FOCAD: variants seen among roughly 807,000 people sequenced by gnomAD.
FOCAD encodes the protein KIAA1797.
Under a neutral mutation model 225.6 loss-of-function variants are expected in FOCAD, and 198 were observed. That is an observed-to-expected ratio of 0.88 (90% CI 0.78 to 0.99). The LOEUF is 0.99. Among genes scored for constraint, FOCAD ranks in the 50% least tolerant of loss-of-function variants. The pLI, the probability that FOCAD is intolerant of heterozygous loss-of-function variation, is 0.00. For synonymous variants in FOCAD, 897 were observed against 755.0 expected, an observed-to-expected ratio of 1.19 and a Z score of -3.08; for missense variants, 2,713 against 2,123.6, an observed-to-expected ratio of 1.28 and a Z score of -5.46.
chr9:20,803,616 G>T (rs977079523), intron 11 of FOCAD, among the ~76,000 whole-genome samples: 5 of 152,114 alleles, frequency 3.3e-5, no homozygotes, highest in Admixed American at 2.0e-4. Flanking sequence ...CTGCTTAGAG[G>T]AGTGTACAGG....
chr9:20,904,068 C>A (rs1832759272), intron 21 of FOCAD, among the ~76,000 whole-genome samples: 1 of 151,920 alleles, frequency 6.6e-6, no homozygotes, highest in African/African-American at 2.4e-5. Flanking sequence ...TTTCAAGGTT[C>A]AGCCATAGTG....
chr9:20,955,541 A>G (rs935690008), intron 35 of FOCAD, among the ~76,000 whole-genome samples: 2 of 138,206 alleles, frequency 1.4e-5, no homozygotes, highest in Non-Finnish European at 3.1e-5. Context: ...TTTTTTTGCT[A>G]TACCATGTGA....
At position 20,778,725 on chromosome 9, in the gene FOCAD, T is replaced by G. The variant is rs777545373; in HGVS notation, c.951T>G (p.Leu317=). 1 of 1,612,554 alleles carries G rather than the reference T, an allele frequency of 6.2e-7. No individual in the cohort carries two copies. Among genetic ancestry groups the G allele is most frequent in the Non-Finnish European group, 8.5e-7 (1 of 1,179,042 alleles). The change falls in exon 9 of 44, where the codon CTT becomes CTG. Residue 317 remains leucine (L), a synonymous_variant. Coordinates refer to ENST00000338382, the MANE Select transcript of FOCAD (RefSeq NM_001375567.1). ...ELVIIGIALL[L]LQTPASQQKP... ...TCATAATTGGAATAGCTTTACTACT[T>G]CTACAGACTCCAGCAAGTCAGCAGA...
chr9:20,788,109 C>T (rs1314300775), intron 10 of FOCAD, among the ~76,000 whole-genome samples: 2 of 152,044 alleles, frequency 1.3e-5, no homozygotes, highest in African/African-American at 4.8e-5. Context: ...TATAGTGTAT[C>T]CATACAATGG....
At chr9:20,752,395 G>T (rs545821105) in intron 5 of FOCAD, among the ~76,000 whole-genome samples, 1 of 151,924 alleles carries the variant, frequency 6.6e-6, no homozygotes, top group East Asian at 1.9e-4. Context: ...AGTTTTCCCA[G>T]CACCATTTAT....
chr9:20,871,839 C>T (rs1222486489), intron 18 of FOCAD, among the ~76,000 whole-genome samples: 2 of 148,266 alleles, frequency 1.3e-5, no homozygotes, highest in Non-Finnish European at 3.0e-5. Context: ...AGCACACCAG[C>T]ATGGCACATG....
Position 20,841,646 on chromosome 9 carries a change from C to CT in FOCAD, c.1920+18538dup, listed in dbSNP as rs1587368771. On this transcript the variant is annotated intron_variant, in intron 15 of 43. Coordinates refer to ENST00000338382, the MANE Select transcript of FOCAD (RefSeq NM_001375567.1). ...CTGATTTTATTTGGGCCTTCTTTTTCTTTTTTTAATTAGTCTGGCTAAAGA... is the reference window on the plus strand; with the variant it reads ...CTGATTTTATTTGGGCCTTCTTTTTCTTTTTTTTAATTAGTCTGGCTAAAGA... Among the ~76,000 whole-genome samples the CT allele has an allele frequency of 3.3e-5, 5 of 151,542 alleles. No homozygotes were observed. In the East Asian group the frequency reaches 9.7e-4, roughly 29 times the overall value.
chr9:20,796,695 T>A (rs201036815), intron 11 of FOCAD, among the ~76,000 whole-genome samples: 1 of 152,150 alleles, frequency 6.6e-6, no homozygotes, highest in Admixed American at 6.5e-5. Context: ...ATTTGAGTTC[T>A]TTGTAGATTC....
chr9:20,705,924 GTTTTTTTT>G (rs59407171), intron 1 of FOCAD, among the ~76,000 whole-genome samples: 8,785 of 106,884 alleles, frequency 0.082, 1,095 homozygotes, highest in African/African-American at 0.28. Flanking sequence ...TCAGTTTTAA[GTTTTTTTT>G]TTTTTTTTTT....
intron 4 of FOCAD, among the ~76,000 whole-genome samples, chr9:20,722,438 T>A (rs969352333): frequency 1.2e-4 from 18 of 152,246 alleles, no homozygotes; most frequent in African/African-American, 4.3e-4. Flanking sequence ...TGCTCAGATG[T>A]CCTCTTTCCT....
intron 1 of FOCAD, among the ~76,000 whole-genome samples, chr9:20,704,351 A>G (rs528378008): frequency 1.5e-4 from 23 of 152,212 alleles, no homozygotes; most frequent in African/African-American, 3.9e-4. Flanking sequence ...TCAGTATGCA[A>G]ATTAAAATAG....
chr9:20,964,054 A>T (rs1029107943), intron 35 of FOCAD, among the ~76,000 whole-genome samples: 2 of 150,972 alleles, frequency 1.3e-5, no homozygotes, highest in African/African-American at 2.4e-5. Context: ...ATTTGTCAGA[A>T]TTTTTTTTTT....
At chr9:20,952,910 G>A in intron 34 of FOCAD, 75 bp from the exon 35 acceptor site, 1 of 1,149,858 alleles carries the variant, frequency 8.7e-7, no homozygotes, top group South Asian at 1.3e-5. Flanking sequence ...TGATATGGCA[G>A]CATGAGATCA....
intron 37 of FOCAD, among the ~76,000 whole-genome samples, chr9:20,978,961 T>C (rs986761594): frequency 6.6e-6 from 1 of 152,122 alleles, no homozygotes; most frequent in African/African-American, 2.4e-5. Flanking sequence ...GCATGAAAGA[T>C]CTCTACTAGG....
chr9:20,689,060 G>A (rs1313768508), intron 1 of FOCAD, among the ~76,000 whole-genome samples: 1 of 152,172 alleles, frequency 6.6e-6, no homozygotes, highest in East Asian at 1.9e-4. Flanking sequence ...AGAGCCAGGA[G>A]GAGCTGAAAG....
chr9:20,913,056 T>C, intron 23 of FOCAD, 102 bp downstream of exon 23: 1 of 854,140 alleles, frequency 1.2e-6, no homozygotes, highest in Non-Finnish European at 1.9e-6. Flanking sequence ...GTTTAACCTC[T>C]ATATGTGAGC....
chr9:20,813,453 C>T (rs1238881894), intron 11 of FOCAD, among the ~76,000 whole-genome samples: 1 of 152,080 alleles, frequency 6.6e-6, no homozygotes, highest in Non-Finnish European at 1.5e-5. Flanking sequence ...AGTGGCCACA[C>T]CTTTTTTACA....
intron 11 of FOCAD, among the ~76,000 whole-genome samples, chr9:20,793,164 C>CTA (rs1319458775): frequency 3.3e-5 from 5 of 152,130 alleles, no homozygotes; most frequent in African/African-American, 1.2e-4. Flanking sequence ...AAGTAGTGTA[C>CTA]TACTATTCCC....
At chr9:20,824,551 C>T (rs1824671069) in intron 15 of FOCAD, among the ~76,000 whole-genome samples, 1 of 152,018 alleles carries the variant, frequency 6.6e-6, no homozygotes, top group Non-Finnish European at 1.5e-5. Flanking sequence ...GAGTTTGGCA[C>T]TGACTTTCCT....
Sources: allele counts gnomAD v4.1 joint callset (sites outside exome capture counted in the v4.1 genomes callset), GRCh38; gene constraint gnomAD v4.1.1; transcripts MANE v1.5; gene names NCBI Gene and HGNC (gene_info 2026-07-23, HGNC 2026-07-21).